Variants in RAMP1 observed in about 807,000 individuals in gnomAD.
RAMP1 encodes receptor activity-modifying protein 1.
A neutral mutation model predicts 8.2 loss-of-function variants in RAMP1; 7 were observed. The ratio of observed to expected loss-of-function variants is 0.85; its 90% CI spans 0.49 to 1.60. The LOEUF is 1.60. Among genes scored for constraint, RAMP1 ranks in the 40% most tolerant of loss-of-function variants. RAMP1 has a pLI of 0.00. For missense variants in RAMP1, 192 were observed against 202.4 expected, an observed-to-expected ratio of 0.95 and a Z score of 0.31; for synonymous variants, 92 against 84.7, an observed-to-expected ratio of 1.09 and a Z score of -0.47.
Position 237,878,072 on chromosome 2 carries a change from C to T in RAMP1, c.191+710C>T. ...GACTTTCAAGTCCTTGTTTCTGCCT[C>T]CGTGGGAGGCGCTGGGGTGTCCTGG... On this transcript the variant is annotated intron_variant, in intron 2 of 2. Transcript: ENST00000254661. The surrounding 1 kb of genome is among the most constrained non-coding windows in gnomAD (Gnocchi z 5.7). 23 of 985,466 alleles carry T rather than the reference C, an allele frequency of 2.3e-5. No individual in the cohort carries two copies. Among genetic ancestry groups the T allele is most frequent in the Non-Finnish European group, 2.8e-5 (23 of 829,938 alleles). 61.0% of individuals were successfully genotyped at this position (985,466 alleles called of 1,614,324 possible).
In RAMP1 at chr2:237,877,407, A is replaced by G; in HGVS notation, c.191+45A>G. On this transcript the variant is annotated intron_variant, in intron 2 of 2. Transcript: ENST00000254661. This position sits in a 1 kb window ranked among gnomAD's most constrained non-coding sequence, Gnocchi z 4.4. Reference sequence around the variant, plus strand: ...GTGGGCAGGACACGGTTGGGGAGGGAGAGGGGGCAAGCGGAGGAGGAGTGG... The same window carrying G: ...GTGGGCAGGACACGGTTGGGGAGGGGGAGGGGGCAAGCGGAGGAGGAGTGG... 1 of 1,583,352 alleles carries G rather than the reference A, an allele frequency of 6.3e-7. No individual in the cohort carries two copies.
intron 1 of RAMP1, chr2:237,869,797 T>G (rs1423417061): frequency 6.6e-6 from 1 of 152,206 alleles, no homozygotes; most frequent in East Asian, 1.9e-4. Context: ...CCCCGGATCA[T>G]TAGGTGGTTC....
chr2:237,910,076 C>T (rs1231365441), intron 2 of RAMP1, among the ~76,000 whole-genome samples: 1 of 152,168 alleles, frequency 6.6e-6, no homozygotes, highest in South Asian at 2.1e-4. Flanking sequence ...AAGGCACCTG[C>T]AGCCGTGGCA....
chr2:237,892,499 A>G (rs986882100), intron 2 of RAMP1, among the ~76,000 whole-genome samples: 7 of 152,134 alleles, frequency 4.6e-5, no homozygotes, highest in East Asian at 1.9e-4. Context: ...GGCTCAAGCA[A>G]TCCTCCCATG....
rs2062322198 is a variant in RAMP1, at chr2:237,877,612, G to A, written c.191+250G>A. On this transcript the variant is annotated intron_variant, in intron 2 of 2. Transcript: ENST00000254661. This position sits in a 1 kb window ranked among gnomAD's most constrained non-coding sequence, Gnocchi z 4.4. ...GGATGGAGGGTTCAGACTGGGCCAT[G>A]TCCAGCCAGAGATGCCCGCGGCCTC... is the stretch of plus-strand genomic sequence containing the variant. 6.6e-6 allele frequency among the ~76,000 whole-genome samples: 1 copy of A among 152,168 alleles called. No homozygotes were observed. Among genetic ancestry groups the A allele is most frequent in the South Asian group, 2.1e-4 (1 of 4,832 alleles).
chr2:237,868,604 C>T (rs1576534139), intron 1 of RAMP1, among the ~76,000 whole-genome samples: 1 of 138,510 alleles, frequency 7.2e-6, no homozygotes, highest in South Asian at 2.4e-4. Context: ...AAAAAAAAAA[C>T]AGTTCCTGAG....
rs1364867493 is a variant in RAMP1, at chr2:237,865,666, C to T, written c.52+5939C>T. ...ATCAAGGGTTCAGAAAGAGGTATGG[C>T]CAAGAGAGGTGTTTCTGGCGGCAGC... is the stretch of plus-strand genomic sequence containing the variant. On this transcript the variant is annotated intron_variant, in intron 1 of 2. Coordinates refer to ENST00000254661, the MANE Select transcript of RAMP1 (RefSeq NM_005855.4). The surrounding 1 kb of genome is among the most constrained non-coding windows in gnomAD (Gnocchi z 4.2). 6.6e-6 allele frequency among the ~76,000 whole-genome samples: 1 copy of T among 152,112 alleles called. No homozygotes were observed. The highest frequency in any genetic ancestry group is 1.5e-5 in the Non-Finnish European group (1 of 68,012).
intron 2 of RAMP1, among the ~76,000 whole-genome samples, chr2:237,880,107 G>A (rs1476638352): frequency 2.6e-5 from 4 of 152,098 alleles, no homozygotes; most frequent in Non-Finnish European, 5.9e-5. Context: ...TCTGCGTTTG[G>A]CAGAATGATG....
Position 237,912,094 on chromosome 2 carries a change from G to A in RAMP1, c.*311G>A, listed in dbSNP as rs536035597. ...TGGATGAGTGGTTTGTGATTAAAAG[G>A]GATGTTCTTGAACTTGGAAAGACTC... On this transcript the variant is annotated 3_prime_UTR_variant, in exon 3 of 3. Coordinates refer to ENST00000254661, the MANE Select transcript of RAMP1 (RefSeq NM_005855.4). The A allele has an allele frequency of 1.5e-5, 6 of 390,856 alleles. No homozygotes were observed. The highest frequency in any genetic ancestry group is 2.3e-5 in the Non-Finnish European group (5 of 214,376). The allele number at this position is 390,856 out of a possible 1,614,324, so 24.2% of individuals were successfully genotyped here.
intron 2 of RAMP1, among the ~76,000 whole-genome samples, chr2:237,908,103 C>A (rs773739193): frequency 2.6e-5 from 4 of 152,248 alleles, no homozygotes; most frequent in African/African-American, 4.8e-5. Flanking sequence ...AGGGTTGGGA[C>A]TAGGGCACTG....
At chr2:237,872,061 G>A (rs577480403) in intron 1 of RAMP1, among the ~76,000 whole-genome samples, 41 of 152,304 alleles carry the variant, frequency 2.7e-4, no homozygotes, top group African/African-American at 8.7e-4. Flanking sequence ...CTACAGTCAC[G>A]ACCATCTTTC....
At chr2:237,903,699 GT>G (rs1385624516) in intron 2 of RAMP1, among the ~76,000 whole-genome samples, 1 of 151,346 alleles carries the variant, frequency 6.6e-6, no homozygotes, top group African/African-American at 2.4e-5. Flanking sequence ...AATGTTTGTT[GT>G]TGTTGTTTCT....
intron 1 of RAMP1, among the ~76,000 whole-genome samples, chr2:237,863,634 T>A (rs1277509848): frequency 5.9e-5 from 9 of 152,164 alleles, no homozygotes; most frequent in Admixed American, 5.9e-4. Context: ...CCGAAAGGCA[T>A]CACTTTAACC....
Position 237,877,153 on chromosome 2 carries a change from C to T in RAMP1, c.53-71C>T, listed in dbSNP as rs183312906. ...TCGTGGAGTCCGGGCTGCAGGGGCG[C>T]GCGGGCTGGCGGTGATACCCCTAGG... On this transcript the variant is annotated intron_variant, in intron 1 of 2. Coordinates refer to ENST00000254661, the MANE Select transcript of RAMP1 (RefSeq NM_005855.4). This position sits in a 1 kb window ranked among gnomAD's most constrained non-coding sequence, Gnocchi z 4.4. 15 of 1,601,358 alleles carry T rather than the reference C, an allele frequency of 9.4e-6. No individual in the cohort carries two copies. Among genetic ancestry groups the T allele is most frequent in the African/African-American group, 4.0e-5 (3 of 74,902 alleles).
chr2:237,898,756 A>C (rs1051647308), intron 2 of RAMP1, among the ~76,000 whole-genome samples: 5 of 152,198 alleles, frequency 3.3e-5, no homozygotes, highest in African/African-American at 1.2e-4. Context: ...TCACATCCCC[A>C]GGGCCCGGGC....
In RAMP1 at chr2:237,859,626, C is replaced by T. The variant is rs1463456772; in HGVS notation, c.-50C>T. The T allele has an allele frequency of 7.2e-7, 1 of 1,383,924 alleles. No homozygotes were observed. The allele number at this position is 1,383,924 out of a possible 1,614,324, so 85.7% of individuals were successfully genotyped here. On this transcript the variant is annotated 5_prime_UTR_variant, in exon 1 of 3. Coordinates refer to ENST00000254661, the MANE Select transcript of RAMP1 (RefSeq NM_005855.4). The stretch of plus-strand genomic sequence containing the variant: ...GGGCCCGCGCCGCGGCGGGCTCAGT[C>T]CTCAGCGGGGCGCGTGGCGAGCGGA...
chr2:237,899,996 A>G (rs1343902166), intron 2 of RAMP1, among the ~76,000 whole-genome samples: 1 of 152,108 alleles, frequency 6.6e-6, no homozygotes, highest in Non-Finnish European at 1.5e-5. Context: ...AACATTTGCC[A>G]TTTTTCTTCT....
At chr2:237,910,514 C>T (rs1028183463) in intron 2 of RAMP1, among the ~76,000 whole-genome samples, 1 of 151,908 alleles carries the variant, frequency 6.6e-6, no homozygotes, top group Admixed American at 6.5e-5. Flanking sequence ...AACACAATTA[C>T]ATATACATAG....
intron 2 of RAMP1, among the ~76,000 whole-genome samples, chr2:237,898,513 C>A (rs1323449692): frequency 1.3e-5 from 2 of 152,246 alleles, no homozygotes; most frequent in Non-Finnish European, 2.9e-5. Context: ...GTGTGCACAG[C>A]TGGCTCAGAG....
Sources: gnomAD v4.1 joint callset for allele counts (sites outside exome capture counted in the v4.1 genomes callset) on GRCh38, gnomAD v4.1.1 for gene constraint, Gnocchi (gnomAD v3.1) non-coding constraint, MANE v1.5 for transcripts, NCBI Gene and HGNC (gene_info 2026-07-23, HGNC 2026-07-21) for gene names.